The following PATJ variants were observed in gnomAD, a reference collection of about 807,000 sequenced individuals.
The protein encoded by PATJ is inaD-like protein.
PATJ carries 190 observed loss-of-function variants against 224.9 expected under a neutral mutation model. The observed-to-expected ratio is 0.84, with a 90% CI of 0.75 to 0.95. The LOEUF (loss-of-function observed/expected upper bound fraction) is 0.95, where lower values mean the gene tolerates loss of function less well. Ranked by LOEUF, PATJ falls within the 40% of genes least tolerant of loss-of-function variation. The pLI is 0.00. For synonymous variants in PATJ, 769 were observed against 820.3 expected (o/e 0.94, Z 1.07); for missense variants, 2,121 against 2,270.3 (o/e 0.93, Z 1.34).
At chr1:62,146,195 CA>C (rs1041417366) in intron 41 of PATJ, among the ~76,000 whole-genome samples, 6 of 152,052 alleles carry the variant, frequency 3.9e-5, no homozygotes, top group African/African-American at 1.2e-4. Flanking sequence ...ATGCGTCTGG[CA>C]TGTGAGAGAA....
chr1:61,834,277 G>A (rs1238833776), intron 17 of PATJ, among the ~76,000 whole-genome samples: 1 of 152,274 alleles, frequency 6.6e-6, no homozygotes, highest in South Asian at 2.1e-4. Context: ...TCACATGAAG[G>A]TTTATAGTTT....
rs1669812746 is a variant in PATJ at position 62,161,294 on chromosome 1, TCTAC to T, written c.*243_*246del. 17 of 374,146 alleles carry T rather than the reference TCTAC, an allele frequency of 4.5e-5. No individual in the cohort carries two copies. In the East Asian group the frequency reaches 6.7e-4, roughly 15 times the overall value. The allele number at this position is 374,146 out of a possible 1,614,324, so 23.2% of individuals were successfully genotyped here. A position where few individuals can be genotyped will look rare whatever the true frequency, so the allele number is the denominator to read the frequency against. ...GGTTGATTTCTAAAACTTAAATGAG[TCTAC>T]CTGTTTTGCATTTAATTTCAGTGTT... On this transcript the variant is annotated 3_prime_UTR_variant, in exon 44 of 44. Coordinates refer to ENST00000642238, the MANE Select transcript of PATJ (RefSeq NM_001350145.3).
intron 9 of PATJ, among the ~76,000 whole-genome samples, chr1:61,793,275 A>T (rs1258307547): frequency 6.6e-6 from 1 of 152,176 alleles, no homozygotes; most frequent in Non-Finnish European, 1.5e-5. Context: ...CTATCATGGT[A>T]TGGCAGATGA....
intron 22 of PATJ, 111 bp from the exon 23 acceptor site, chr1:61,899,472 T>G (rs1670823300): frequency 1.6e-6 from 1 of 612,302 alleles, no homozygotes; most frequent in East Asian, 2.9e-5. Context: ...AACTTAAAAA[T>G]TGAGAATCAT....
At chr1:62,011,090 T>C (rs148295596) in intron 28 of PATJ, among the ~76,000 whole-genome samples, 1,637 of 152,354 alleles carry the variant, frequency 0.011, 14 homozygotes, top group Middle Eastern at 0.041. Flanking sequence ...TTCCAACTTC[T>C]ATCCAGACCA....
intron 1 of PATJ, among the ~76,000 whole-genome samples, chr1:61,761,352 A>G (rs531256240): frequency 1.4e-4 from 22 of 152,258 alleles, no homozygotes; most frequent in African/African-American, 4.8e-4. Flanking sequence ...CATCACTCCA[A>G]AAAAGCTTCC....
intron 27 of PATJ, among the ~76,000 whole-genome samples, chr1:61,945,483 G>A (rs77428483): frequency 0.15 from 23,259 of 151,912 alleles, 2,223 homozygotes; most frequent in Non-Finnish European, 0.21. Flanking sequence ...AGACAAAGAA[G>A]GCCATTACAT....
intron 5 of PATJ, 114 bp from the exon 6 acceptor site, chr1:61,771,317 G>C (rs917977721): frequency 9.4e-6 from 5 of 532,616 alleles, no homozygotes; most frequent in Non-Finnish European, 1.6e-5. Flanking sequence ...TAATTTATTT[G>C]ATAAATGTAC....
intron 28 of PATJ, among the ~76,000 whole-genome samples, chr1:62,015,407 G>C (rs755631228): frequency 3.3e-5 from 5 of 152,054 alleles, no homozygotes; most frequent in Non-Finnish European, 4.4e-5. Context: ...AAATGTAAAG[G>C]CATTATCTTG....
At chr1:61,934,840 T>C (rs41365548) in intron 27 of PATJ, among the ~76,000 whole-genome samples, 6,579 of 152,242 alleles carry the variant, frequency 0.043, 529 homozygotes, top group African/African-American at 0.15. Context: ...GGGGATGTGA[T>C]GAAAATGCAG....
At chr1:62,027,126 A>G (rs1189254929) in intron 29 of PATJ, among the ~76,000 whole-genome samples, 1 of 152,000 alleles carries the variant, frequency 6.6e-6, no homozygotes, top group Non-Finnish European at 1.5e-5. Flanking sequence ...ACAACTCCCC[A>G]TTCTTCCCTC....
At chr1:61,974,964 T>C (rs1177980040) in intron 27 of PATJ, among the ~76,000 whole-genome samples, 1 of 151,944 alleles carries the variant, frequency 6.6e-6, no homozygotes, top group East Asian at 1.9e-4. Context: ...GTTTTGTTTT[T>C]GACAGAGTTT....
chr1:61,908,547 G>T (rs190740914), intron 25 of PATJ, 65 bp downstream of exon 25: 1,084 of 931,856 alleles, frequency 1.2e-3, no homozygotes, highest in Admixed American at 1.7e-3. Flanking sequence ...ACCAAGCTTT[G>T]GCCTCTAAGT....
chr1:61,934,400 G>A (rs1056849101), intron 27 of PATJ, among the ~76,000 whole-genome samples: 2 of 152,182 alleles, frequency 1.3e-5, no homozygotes, highest in African/African-American at 4.8e-5. Context: ...TTACAGGTGT[G>A]AGCCACCATG....
intron 27 of PATJ, among the ~76,000 whole-genome samples, chr1:61,948,172 A>C (rs1382237769): frequency 6.6e-6 from 1 of 152,232 alleles, no homozygotes; most frequent in African/African-American, 2.4e-5. Context: ...TCATGTCTAA[A>C]ACACCAAAAG....
chr1:61,918,816 A>G (rs1170378518), intron 26 of PATJ, among the ~76,000 whole-genome samples: 1 of 152,052 alleles, frequency 6.6e-6, no homozygotes, highest in African/African-American at 2.4e-5. Flanking sequence ...ATAAAATATT[A>G]GCTGGGTGTG....
rs536803577 is a variant in PATJ, at chr1:61,864,609, G to A, written c.2811G>A (p.Pro937=). 35 of 1,598,308 alleles carry A rather than the reference G, an allele frequency of 2.2e-5. No homozygotes were observed. Among genetic ancestry groups the A allele is most frequent in the Admixed American group, 1.8e-4 (11 of 59,900 alleles). ...CTGTCTATTCCCAGGAGGCACAGCC[G>A]TATGGCTATTGCCCTGAAAATGTGG... ...GRTVYSQEAQ[P]YGYCPENVMK... is the part of the protein sequence containing the mutation. Residue 937 remains proline, a synonymous_variant, in exon 20 of 44, where the codon CCG becomes CCA. Coordinates refer to ENST00000642238, the MANE Select transcript of PATJ (RefSeq NM_001350145.3).
intron 27 of PATJ, among the ~76,000 whole-genome samples, chr1:61,961,102 T>G (rs1336705417): frequency 6.6e-6 from 1 of 152,214 alleles, no homozygotes; most frequent in East Asian, 1.9e-4. Context: ...ACAGTACCTT[T>G]GGGTGAGTTG....
At chr1:61,914,159 A>G (rs1282217258) in intron 25 of PATJ, among the ~76,000 whole-genome samples, 1 of 152,226 alleles carries the variant, frequency 6.6e-6, no homozygotes, top group Admixed American at 6.5e-5. Flanking sequence ...AAATACATTA[A>G]GGAATGTAAT....
Sources: gnomAD v4.1 joint callset for allele counts (sites outside exome capture counted in the v4.1 genomes callset) on GRCh38, gnomAD v4.1.1 for gene constraint, MANE v1.5 for transcripts, NCBI Gene and HGNC (gene_info 2026-07-23, HGNC 2026-07-21) for gene names.